Variants in LRIG2 observed in about 807,000 individuals in gnomAD.
LRIG2 encodes leucine-rich repeats and immunoglobulin-like domains protein 2.
In LRIG2, 93 loss-of-function variants were observed where a neutral mutation model predicts 107.8. The ratio of observed to expected loss-of-function variants is 0.86; its 90% CI spans 0.73 to 1.03. LRIG2 has a LOEUF of 1.03. Ranked by LOEUF, LRIG2 falls within the 50% of genes least tolerant of loss-of-function variation. The pLI is 0.00. For synonymous variants in LRIG2, 471 were observed against 470.6 expected (o/e 1.00, Z -0.01); for missense variants, 1,226 against 1,296.0 (o/e 0.95, Z 0.83).
rs1653219827 is a variant in LRIG2, at chr1:113,080,496, C to T, written c.239+6851C>T. On this transcript the variant is annotated intron_variant, in intron 1 of 17. Transcript: ENST00000361127. Reference sequence around the variant, plus strand: ...CCAGGTTCACGCCATTCTCCTGCCTCAGCCTCTGGAGTAGCTGGGACTACA... The same window carrying T: ...CCAGGTTCACGCCATTCTCCTGCCTTAGCCTCTGGAGTAGCTGGGACTACA... Among the ~76,000 whole-genome samples, 5 of 152,236 alleles carry T rather than the reference C, an allele frequency of 3.3e-5. No homozygotes were observed. The South Asian group carries it at 1.0e-3, about 32-fold the overall frequency.
chr1:113,089,798 T>C (rs1363067335), intron 1 of LRIG2, among the ~76,000 whole-genome samples: 1 of 149,170 alleles, frequency 6.7e-6, no homozygotes, highest in African/African-American at 2.5e-5. Context: ...GTTCAAGTGA[T>C]TCTCCTGCCT....
chr1:113,094,667 G>A lies in LRIG2; in HGVS notation c.715G>A (p.Asp239Asn). The A allele has an allele frequency of 6.2e-7, 1 of 1,613,884 alleles. No homozygotes were observed. ...GGAAGGTCTTACATTCCAAGGGCTT[G>A]ACTCCTTAAGATCTTTGAAAATGCA... ...IVEGLTFQGL[D>N]SLRSLKMQRN... Residue 239 changes from aspartate to asparagine, a missense_variant, in exon 6 of 18, where the codon GAC (aspartate) becomes AAC (asparagine). Asp to Asn is a conservative substitution (Grantham distance 23, BLOSUM62 1). Coordinates refer to ENST00000361127, the MANE Select transcript of LRIG2 (RefSeq NM_014813.3).
chr1:113,079,414 A>G (rs1653152211), intron 1 of LRIG2, among the ~76,000 whole-genome samples: 1 of 151,200 alleles, frequency 6.6e-6, no homozygotes, highest in Admixed American at 6.6e-5. Context: ...GGCCGGGCAC[A>G]GTGCTCACAC....
chr1:113,116,936 A>T (rs576777889), intron 16 of LRIG2, among the ~76,000 whole-genome samples: 17 of 152,306 alleles, frequency 1.1e-4, no homozygotes, highest in African/African-American at 4.1e-4. Flanking sequence ...GAGTGCACCT[A>T]TGAATAGCCA....
intron 4 of LRIG2, 103 bp downstream of exon 4, chr1:113,093,667 A>G: frequency 1.5e-6 from 1 of 658,830 alleles, no homozygotes; most frequent in South Asian, 1.7e-5. Flanking sequence ...AGATATACCT[A>G]ATGCTAGATG....
intron 6 of LRIG2, among the ~76,000 whole-genome samples, chr1:113,094,973 T>C (rs1653987454): frequency 1.6e-5 from 1 of 62,402 alleles, no homozygotes. Flanking sequence ...AAAGTTTATA[T>C]ATATATATAT....
At chr1:113,104,080 C>G (rs1654427687) in intron 11 of LRIG2, among the ~76,000 whole-genome samples, 2 of 152,194 alleles carry the variant, frequency 1.3e-5, no homozygotes, top group Admixed American at 1.3e-4. Flanking sequence ...TCCACCTCCT[C>G]CTTGTTGGAC....
At chr1:113,111,689 C>T (rs966288245) in intron 13 of LRIG2, among the ~76,000 whole-genome samples, 11 of 152,190 alleles carry the variant, frequency 7.2e-5, no homozygotes, top group Admixed American at 6.5e-4. Flanking sequence ...ATAACTACAA[C>T]ATTTTAGGGT....
At chr1:113,088,842 T>C (rs1330379892) in intron 1 of LRIG2, among the ~76,000 whole-genome samples, 3 of 152,238 alleles carry the variant, frequency 2.0e-5, no homozygotes, top group Non-Finnish European at 4.4e-5. Flanking sequence ...GTTTATTGTT[T>C]AGTAGCAAGA....
rs749308829 is a variant in LRIG2, at chr1:113,082,623, ATTAT to A, written c.240-8683_240-8680del. Among the ~76,000 whole-genome samples, 15 of 151,858 alleles carry A rather than the reference ATTAT, an allele frequency of 9.9e-5. No individual in the cohort carries two copies. In the South Asian group the frequency reaches 1.0e-3, roughly 11 times the overall value. ...AGTTGTGTAGGGGAGGTGTCACGCT[ATTAT>A]TTATTTATTTAGAGACAGGGTCTCT... On this transcript the variant is annotated intron_variant, in intron 1 of 17. Coordinates refer to ENST00000361127, the MANE Select transcript of LRIG2 (RefSeq NM_014813.3).
intron 4 of LRIG2, 53 bp from the exon 5 acceptor site, chr1:113,094,286 A>T: frequency 7.1e-7 from 1 of 1,414,134 alleles, no homozygotes; most frequent in Non-Finnish European, 9.6e-7. Context: ...TTCTAGTGGT[A>T]GAATTTTTAT....
At position 113,114,676 on chromosome 1, in the gene LRIG2, G is replaced by C. The variant is rs1654924694; in HGVS notation, c.2330G>C (p.Gly777Ala). The C allele has an allele frequency of 6.2e-7, 1 of 1,613,974 alleles. No individual in the cohort carries two copies. The highest frequency in any genetic ancestry group is 1.3e-5 in the African/African-American group (1 of 74,886). ...TCTAACACCCTTGGGACAGAACGTG[G>C]CCACATTTACCTAAATGTCATTTCA... ...IMSNTLGTER[G>A]HIYLNVISSP... Residue 777 changes from glycine to alanine, a missense_variant, in exon 15 of 18, where the codon GGC (glycine) becomes GCC (alanine). Gly to Ala is a moderately conservative substitution (Grantham distance 60). This residue lies in a region of LRIG2 where 642 missense variants were observed against 712.2 expected (regional missense o/e 0.90). Transcript: ENST00000361127.
Position 113,094,790 on chromosome 1 carries a change from A to G in LRIG2, c.803+35A>G, listed in dbSNP as rs533277870. On this transcript the variant is annotated intron_variant, in intron 6 of 17. Transcript: ENST00000361127. ...CGGGACTAGAGGTGATTATTAGGAA[A>G]GTAGTCTGTTTGGGACTTTTCAGTG... is the stretch of plus-strand genomic sequence containing the variant. 3.5e-5 allele frequency: 56 copies of G among 1,600,336 alleles called. No homozygotes were observed. In the East Asian group the frequency reaches 6.1e-4, roughly 17 times the overall value.
At chr1:113,087,601 G>A (rs1397528261) in intron 1 of LRIG2, among the ~76,000 whole-genome samples, 1 of 152,022 alleles carries the variant, frequency 6.6e-6, no homozygotes, top group African/African-American at 2.4e-5. Flanking sequence ...CACCCACCTC[G>A]GCCTCCCAAA....
At chr1:113,074,677 G>A (rs187125200) in intron 1 of LRIG2, among the ~76,000 whole-genome samples, 3 of 152,232 alleles carry the variant, frequency 2.0e-5, no homozygotes, top group Non-Finnish European at 4.4e-5. Flanking sequence ...GGGAGGCCGA[G>A]GCGGGCCGAT....
intron 1 of LRIG2, among the ~76,000 whole-genome samples, chr1:113,080,956 G>GC (rs1653252966): frequency 1.4e-5 from 2 of 146,656 alleles, no homozygotes; most frequent in African/African-American, 5.1e-5. Context: ...GGATTCTCCT[G>GC]CCTCAGCCTC....
chr1:113,117,350 G>T (rs999723171), intron 16 of LRIG2, among the ~76,000 whole-genome samples: 1 of 152,212 alleles, frequency 6.6e-6, no homozygotes, highest in Admixed American at 6.5e-5. Flanking sequence ...GCAAATCTGT[G>T]TGGTACTTCA....
intron 11 of LRIG2, among the ~76,000 whole-genome samples, chr1:113,104,919 G>A (rs1347581979): frequency 6.6e-6 from 1 of 152,030 alleles, no homozygotes; most frequent in African/African-American, 2.4e-5. Flanking sequence ...AGGCCGAGGC[G>A]GGCAGATCAC....
Position 113,124,228 on chromosome 1 carries a change from C to T in LRIG2, c.*127C>T. The T allele has an allele frequency of 1.2e-6, 1 of 807,224 alleles. No individual in the cohort carries two copies. The highest frequency in any genetic ancestry group is 2.0e-6 in the Non-Finnish European group (1 of 508,506). 50.0% of individuals were successfully genotyped at this position (807,224 alleles called of 1,614,324 possible). A position where few individuals can be genotyped will look rare whatever the true frequency, so the allele number is the denominator to read the frequency against. On this transcript the variant is annotated 3_prime_UTR_variant, in exon 18 of 18. Transcript: ENST00000361127. ...CTTTCTTTATGATTGCATCTGACCG[C>T]ACCAAGGTGGGCCATGCGTTGTTTG...
Sources: gnomAD v4.1 joint callset for allele counts (sites outside exome capture counted in the v4.1 genomes callset) on GRCh38, gnomAD v4.1.1 for gene constraint, gnomAD v4.1.1 regional missense constraint, MANE v1.5 for transcripts, NCBI Gene and HGNC (gene_info 2026-07-23, HGNC 2026-07-21) for gene names.